CNTNAP5: variants seen among roughly 807,000 people sequenced by gnomAD.
CNTNAP5 encodes contactin associated protein family member 5, also known as contactin-associated protein-like 5.
In CNTNAP5, 72 loss-of-function variants were observed where a neutral mutation model predicts 150.2. The observed-to-expected ratio is 0.48, with a 90% CI of 0.40 to 0.58. The LOEUF (loss-of-function observed/expected upper bound fraction) is 0.58, where lower values mean the gene tolerates loss of function less well. Among genes scored for constraint, CNTNAP5 ranks in the 20% least tolerant of loss-of-function variants. CNTNAP5 has a pLI of 0.00. For synonymous variants in CNTNAP5, 672 were observed against 619.8 expected (o/e 1.08, Z -1.25); for missense variants, 1,636 against 1,626.2 (o/e 1.01, Z -0.10).
chr2:124,916,413 C>T lies in CNTNAP5; in HGVS notation c.*2125C>T, dbSNP rs931069888. On this transcript the variant is annotated 3_prime_UTR_variant, in exon 24 of 24. Coordinates refer to ENST00000682447, the MANE Select transcript of CNTNAP5 (RefSeq NM_001367498.1). ...TCCATAAAAAGGCTATATAAATCAG[C>T]CTTTTGCTTGGCTATATATTCCTTT... 6.6e-6 allele frequency among the ~76,000 whole-genome samples: 1 copy of T among 151,972 alleles called. No individual in the cohort carries two copies. Among genetic ancestry groups the T allele is most frequent in the Non-Finnish European group, 1.5e-5 (1 of 67,966 alleles).
chr2:124,825,104 A>G (rs1682565663), intron 19 of CNTNAP5, among the ~76,000 whole-genome samples: 1 of 152,178 alleles, frequency 6.6e-6, no homozygotes, highest in African/African-American at 2.4e-5. Context: ...TATTAGATAA[A>G]TTGAGATAAC....
At chr2:124,475,574 T>C (rs1330785151) in intron 7 of CNTNAP5, among the ~76,000 whole-genome samples, 4 of 152,112 alleles carry the variant, frequency 2.6e-5, no homozygotes, top group Non-Finnish European at 5.9e-5. Context: ...TGTAGCTCTG[T>C]TGTTTGGTAC....
At chr2:124,027,473 G>A (rs574799561) in intron 1 of CNTNAP5, among the ~76,000 whole-genome samples, 1 of 152,308 alleles carries the variant, frequency 6.6e-6, no homozygotes, top group African/African-American at 2.4e-5. Flanking sequence ...TACTCCACAC[G>A]CATATGGCTG....
rs534231888 is a variant in CNTNAP5 at position 124,615,053 on chromosome 2, C to T, written c.1876+5133C>T. On this transcript the variant is annotated intron_variant, in intron 12 of 23. Transcript: ENST00000682447. ...TTTACTGCTAAAAAATGCTAACAACCTTCTGAGCCTTCAGTGAGTCTTAAG... is the reference window on the plus strand; with the variant it reads ...TTTACTGCTAAAAAATGCTAACAACTTTCTGAGCCTTCAGTGAGTCTTAAG... 3.3e-5 allele frequency among the ~76,000 whole-genome samples: 5 copies of T among 152,176 alleles called. No individual in the cohort carries two copies. The East Asian group carries it at 9.6e-4, about 29-fold the overall frequency.
chr2:124,295,496 C>G (rs1290629054), intron 3 of CNTNAP5, among the ~76,000 whole-genome samples: 1 of 152,228 alleles, frequency 6.6e-6, no homozygotes, highest in Non-Finnish European at 1.5e-5. Context: ...CAGCGAAAAT[C>G]ACCTGGTGAC....
chr2:124,210,960 T>C (rs1685994762), intron 1 of CNTNAP5, among the ~76,000 whole-genome samples: 1 of 152,198 alleles, frequency 6.6e-6, no homozygotes, highest in East Asian at 1.9e-4. Flanking sequence ...GTCCATGCTT[T>C]CTGTTCCCTT....
At chr2:124,504,683 T>TC (rs1416458804) in intron 8 of CNTNAP5, 127 bp downstream of exon 8, 3 of 671,234 alleles carry the variant, frequency 4.5e-6, no homozygotes, top group Non-Finnish European at 7.2e-6. Context: ...ACAAATGTAC[T>TC]CCAAGTCTGA....
intron 1 of CNTNAP5, among the ~76,000 whole-genome samples, chr2:124,082,894 T>A (rs1009512190): frequency 1.3e-5 from 2 of 152,250 alleles, no homozygotes; most frequent in African/African-American, 4.8e-5. Context: ...TACTGGCTGA[T>A]GGTGTTGGAC....
At chr2:124,375,495 A>G (rs1690623720) in intron 3 of CNTNAP5, among the ~76,000 whole-genome samples, 1 of 152,168 alleles carries the variant, frequency 6.6e-6, no homozygotes, top group South Asian at 2.1e-4. Flanking sequence ...AACCTGAAAG[A>G]CAAAGAAAGA....
At chr2:124,895,736 A>G (rs749708316) in intron 21 of CNTNAP5, among the ~76,000 whole-genome samples, 1 of 151,638 alleles carries the variant, frequency 6.6e-6, no homozygotes, top group Non-Finnish European at 1.5e-5. Flanking sequence ...ACACACATGG[A>G]CACACATGCA....
intron 1 of CNTNAP5, among the ~76,000 whole-genome samples, chr2:124,111,477 T>C (rs1461782466): frequency 6.6e-6 from 1 of 152,172 alleles, no homozygotes; most frequent in Admixed American, 6.5e-5. Context: ...CACTGATGCA[T>C]ATGAGCCTGT....
At chr2:124,115,396 G>A (rs540460159) in intron 1 of CNTNAP5, among the ~76,000 whole-genome samples, 2 of 152,194 alleles carry the variant, frequency 1.3e-5, no homozygotes, top group South Asian at 4.1e-4. Flanking sequence ...AATATTTGGG[G>A]CATAAAGATT....
chr2:124,186,156 T>C (rs62163932), intron 1 of CNTNAP5, among the ~76,000 whole-genome samples: 34,420 of 152,074 alleles, frequency 0.23, 4,158 homozygotes, highest in African/African-American at 0.3. Flanking sequence ...CAGGTGATGC[T>C]GATTGTGTTT....
intron 6 of CNTNAP5, among the ~76,000 whole-genome samples, chr2:124,461,628 A>G (rs1270165960): frequency 6.6e-6 from 1 of 151,796 alleles, no homozygotes; most frequent in Non-Finnish European, 1.5e-5. Flanking sequence ...GTATACATAT[A>G]TAACTAACCT....
intron 14 of CNTNAP5, among the ~76,000 whole-genome samples, chr2:124,749,989 G>A (rs1478565450): frequency 6.6e-6 from 1 of 152,012 alleles, no homozygotes; most frequent in African/African-American, 2.4e-5. Context: ...CCTTTGACTT[G>A]CTCAATGTTT....
At chr2:124,131,223 T>A (rs1683835690) in intron 1 of CNTNAP5, among the ~76,000 whole-genome samples, 1 of 152,160 alleles carries the variant, frequency 6.6e-6, no homozygotes, top group African/African-American at 2.4e-5. Context: ...ATTTATAAAT[T>A]TTAGTGAAGA....
intron 11 of CNTNAP5, among the ~76,000 whole-genome samples, chr2:124,588,477 G>A (rs1696606529): frequency 1.3e-5 from 2 of 151,938 alleles, no homozygotes; most frequent in Admixed American, 6.6e-5. Flanking sequence ...TTTAGAAGGT[G>A]TGTGTGCCCA....
chr2:124,375,309 C>A (rs1690618242), intron 3 of CNTNAP5, among the ~76,000 whole-genome samples: 1 of 152,092 alleles, frequency 6.6e-6, no homozygotes, highest in African/African-American at 2.4e-5. Flanking sequence ...CCCAGCATAA[C>A]TGGTAAGATT....
rs1558816141 is a variant in CNTNAP5, at chr2:124,242,293, A to C, written c.281A>C (p.Gln94Pro). ...NRVEITAVATQGRYGSSDWVT... is the reference protein window; with the variant it reads ...NRVEITAVATPGRYGSSDWVT... ...GTAGAGATTACAGCAGTGGCCACGCAGGGAAGATACGGAAGCTCTGACTGG... is the reference window on the plus strand; with the variant it reads ...GTAGAGATTACAGCAGTGGCCACGCCGGGAAGATACGGAAGCTCTGACTGG... The change falls in exon 3 of 24, where the codon CAG (glutamine) becomes CCG (proline). Residue 94 changes from glutamine (Q) to proline (P), a missense_variant. Physicochemically the swap from Gln to Pro is moderately conservative, Grantham distance 76. Coordinates refer to ENST00000682447, the MANE Select transcript of CNTNAP5 (RefSeq NM_001367498.1). 2 of 1,612,384 alleles carry C rather than the reference A, an allele frequency of 1.2e-6. No homozygotes were observed. The highest frequency in any genetic ancestry group is 1.7e-6 in the Non-Finnish European group (2 of 1,179,346).
Sources: gnomAD v4.1 joint callset for allele counts (sites outside exome capture counted in the v4.1 genomes callset) on GRCh38, gnomAD v4.1.1 for gene constraint, MANE v1.5 for transcripts, NCBI Gene and HGNC (gene_info 2026-07-23, HGNC 2026-07-21) for gene names.